The following SRPK2 variants were observed in gnomAD, a reference collection of about 807,000 sequenced individuals.
SRPK2 encodes the protein SRSF protein kinase 2.
In SRPK2, 21 loss-of-function variants were observed where a neutral mutation model predicts 90.8. The ratio of observed to expected loss-of-function variants is 0.23; its 90% CI spans 0.16 to 0.33. The LOEUF (loss-of-function observed/expected upper bound fraction) is 0.33, where lower values mean the gene tolerates loss of function less well. Among genes scored for constraint, SRPK2 ranks in the 10% least tolerant of loss-of-function variants. The pLI is 1.00. For missense variants in SRPK2, 620 were observed against 869.0 expected, an observed-to-expected ratio of 0.71 and a Z score of 3.60; for synonymous variants, 288 against 311.1, an observed-to-expected ratio of 0.93 and a Z score of 0.78.
At chr7:105,202,600 C>T (rs1455977016) in intron 3 of SRPK2, among the ~76,000 whole-genome samples, 1 of 152,212 alleles carries the variant, frequency 6.6e-6, no homozygotes, top group East Asian at 1.9e-4. Context: ...TCACACAACA[C>T]GCTTGCCCTT....
intron 6 of SRPK2, among the ~76,000 whole-genome samples, chr7:105,162,292 T>C (rs1312251171): frequency 6.6e-6 from 1 of 152,214 alleles, no homozygotes; most frequent in Non-Finnish European, 1.5e-5. Context: ...TCCACACACC[T>C]TGGTCTCCCA....
intron 7 of SRPK2, among the ~76,000 whole-genome samples, chr7:105,159,459 A>AAAAAAAAAAAAAAAC: frequency 6.8e-6 from 1 of 147,672 alleles, no homozygotes; most frequent in Non-Finnish European, 1.5e-5. Flanking sequence ...AAAAAAAAAA[A>AAAAAAAAAAAAAAAC]AAAAAAAAAA....
chr7:105,233,028 A>AAGAGAAG (rs778152469), intron 2 of SRPK2, among the ~76,000 whole-genome samples: 1 of 150,228 alleles, frequency 6.7e-6, no homozygotes, highest in South Asian at 2.2e-4. Context: ...AAGAAAGGAA[A>AAGAGAAG]AGAGAAGAGA....
chr7:105,389,236 C>T (rs756641849), upstream of SRPK2: 20 of 1,251,506 alleles, frequency 1.6e-5, no homozygotes, highest in South Asian at 2.3e-4. Context: ...GGCCTCTCCC[C>T]TCCGCACCCC....
chr7:105,333,619 C>T (rs1439724411), intron 2 of SRPK2, among the ~76,000 whole-genome samples: 1 of 152,180 alleles, frequency 6.6e-6, no homozygotes, highest in Non-Finnish European at 1.5e-5. Context: ...TCCTGCTTTC[C>T]AGTAGTAGTT....
intron 2 of SRPK2, among the ~76,000 whole-genome samples, chr7:105,322,920 C>T (rs897779125): frequency 5.9e-5 from 9 of 152,152 alleles, no homozygotes; most frequent in African/African-American, 2.2e-4. Flanking sequence ...AATGTCCAGC[C>T]AGACACGGTG....
intron 2 of SRPK2, among the ~76,000 whole-genome samples, chr7:105,259,600 A>G (rs967476651): frequency 6.6e-6 from 1 of 152,236 alleles, no homozygotes; most frequent in African/African-American, 2.4e-5. Flanking sequence ...CAAAAAGAAC[A>G]AAGCTGGAGG....
At chr7:105,209,602 AG>A (rs771326562) in intron 2 of SRPK2, among the ~76,000 whole-genome samples, 4 of 151,670 alleles carry the variant, frequency 2.6e-5, no homozygotes, top group Non-Finnish European at 5.9e-5. Flanking sequence ...GGAAGGGGAA[AG>A]GAAAAAGGAA....
intron 2 of SRPK2, among the ~76,000 whole-genome samples, chr7:105,296,626 T>C (rs1392859830): frequency 6.6e-6 from 1 of 152,156 alleles, no homozygotes; most frequent in Non-Finnish European, 1.5e-5. Flanking sequence ...TTACAAGAAC[T>C]AAGGAAATCT....
At chr7:105,288,169 G>C (rs769625885) in intron 2 of SRPK2, among the ~76,000 whole-genome samples, 16 of 152,166 alleles carry the variant, frequency 1.1e-4, no homozygotes, top group Non-Finnish European at 2.1e-4. Flanking sequence ...TGTACAACTG[G>C]CATTCTAAAG....
Position 105,146,441 on chromosome 7 carries a change from T to C in SRPK2, c.787+52A>G, listed in dbSNP as rs571547866. 251 of 1,579,540 alleles carry C rather than the reference T, an allele frequency of 1.6e-4. No homozygotes were observed. In the East Asian group the frequency reaches 5.0e-3, roughly 31 times the overall value. On this transcript the variant is annotated intron_variant, in intron 8 of 15. Transcript: ENST00000393651. ...CAGATACCTTCAACAACTGCAACTTTGCAAGCTCCCAATGCCCCCACACTG... is the reference window on the plus strand; with the variant it reads ...CAGATACCTTCAACAACTGCAACTTCGCAAGCTCCCAATGCCCCCACACTG...
intron 2 of SRPK2, among the ~76,000 whole-genome samples, chr7:105,366,445 C>T (rs1819073359): frequency 6.7e-6 from 1 of 149,818 alleles, no homozygotes; most frequent in African/African-American, 2.5e-5. Context: ...TCTTGACTCA[C>T]TGCAACCTCT....
intron 2 of SRPK2, among the ~76,000 whole-genome samples, chr7:105,367,217 A>C (rs1233311566): frequency 1.3e-5 from 2 of 152,028 alleles, no homozygotes; most frequent in African/African-American, 4.8e-5. Context: ...TACGCAATTT[A>C]CTGGAGACAA....
intron 2 of SRPK2, among the ~76,000 whole-genome samples, chr7:105,247,871 CT>C (rs201687224): frequency 0.018 from 2,498 of 139,256 alleles, 30 homozygotes; most frequent in African/African-American, 0.038. Context: ...CCTTAACAAT[CT>C]TTTTTTTTTT....
chr7:105,304,758 G>A (rs2131307839), intron 2 of SRPK2, among the ~76,000 whole-genome samples: 1 of 152,260 alleles, frequency 6.6e-6, no homozygotes, highest in South Asian at 2.1e-4. Context: ...ATGACTACAG[G>A]AATCTTGAAA....
In SRPK2 at chr7:105,169,688, G is replaced by A. The variant is rs3779211; in HGVS notation, c.230-423C>T. 3.0e-3 allele frequency among the ~76,000 whole-genome samples: 464 copies of A among 152,308 alleles called. 14 individuals carry two copies. In the East Asian group the frequency reaches 0.062, roughly 20 times the overall value. Reference sequence around the variant, plus strand: ...GCTGCAATGAGCCTGAGTGAAAAGTGTGCGACTGCAATCCAGACAGCCTGA... The same window carrying A: ...GCTGCAATGAGCCTGAGTGAAAAGTATGCGACTGCAATCCAGACAGCCTGA... On this transcript the variant is annotated intron_variant, in intron 3 of 15. Transcript: ENST00000393651.
At chr7:105,349,805 C>G (rs544606593) in intron 2 of SRPK2, among the ~76,000 whole-genome samples, 9 of 152,158 alleles carry the variant, frequency 5.9e-5, no homozygotes, top group South Asian at 2.1e-4. Context: ...GTGCCGTGAT[C>G]TCAGCTCACC....
At chr7:105,349,522 C>CAAAA (rs572686995) in intron 2 of SRPK2, among the ~76,000 whole-genome samples, 2 of 88,942 alleles carry the variant, frequency 2.2e-5, no homozygotes, top group African/African-American at 8.3e-5. Context: ...AACTCCATCT[C>CAAAA]AAAAAAAAAA....
chr7:105,174,107 G>T (rs1457287345), intron 3 of SRPK2, among the ~76,000 whole-genome samples: 2 of 151,076 alleles, frequency 1.3e-5, no homozygotes, highest in Admixed American at 6.6e-5. Context: ...ACTCTTATCG[G>T]ATTACAAACA....
Sources: gnomAD v4.1 joint callset for allele counts (sites outside exome capture counted in the v4.1 genomes callset) on GRCh38, gnomAD v4.1.1 for gene constraint, MANE v1.5 for transcripts, NCBI Gene and HGNC (gene_info 2026-07-23, HGNC 2026-07-21) for gene names.